Variants in DHRS7B observed in about 807,000 individuals in gnomAD.
DHRS7B encodes the protein peroxisomal reductase activating PPAR-gamma.
In DHRS7B, 24 loss-of-function variants were observed where a neutral mutation model predicts 26.4. The observed-to-expected ratio is 0.91, with a 90% CI of 0.66 to 1.28. The LOEUF (loss-of-function observed/expected upper bound fraction) is 1.28. DHRS7B is among the 50% of genes most tolerant of loss of function. The pLI is 0.00. For missense variants in DHRS7B, 368 were observed against 419.4 expected (o/e 0.88, Z 1.07); for synonymous variants, 142 against 166.4 (o/e 0.85, Z 1.13).
intron 1 of DHRS7B, among the ~76,000 whole-genome samples, chr17:21,160,003 T>G (rs1298744540): frequency 6.6e-6 from 1 of 152,092 alleles, no homozygotes. Flanking sequence ...GTGGATCATT[T>G]GAGGTCAGGA....
chr17:21,177,358 T>C (rs1490619622), intron 2 of DHRS7B, among the ~76,000 whole-genome samples: 1 of 152,238 alleles, frequency 6.6e-6, no homozygotes, highest in Non-Finnish European at 1.5e-5. Context: ...AATTCTCTTT[T>C]TGCTTTGCCC....
At chr17:21,132,346 A>C (rs141287160) in intron 1 of DHRS7B, among the ~76,000 whole-genome samples, 2 of 136,736 alleles carry the variant, frequency 1.5e-5, no homozygotes, top group Admixed American at 1.4e-4. Flanking sequence ...TAAAAAAAAA[A>C]AAATATATAT....
At chr17:21,183,461 G>C in intron 3 of DHRS7B, 133 bp from the exon 4 acceptor site, 1 of 803,044 alleles carries the variant, frequency 1.2e-6, no homozygotes, top group Non-Finnish European at 2.0e-6. Flanking sequence ...TTTGGGTTTA[G>C]TTTGCTATTC....
intron 1 of DHRS7B, among the ~76,000 whole-genome samples, chr17:21,167,050 C>T (rs965329771): frequency 2.6e-5 from 4 of 151,702 alleles, no homozygotes; most frequent in Admixed American, 6.6e-5. Flanking sequence ...ATCTTAGGAA[C>T]GGATTCCGTC....
chr17:21,179,762 C>CTTTTTTTT (rs55928399), intron 3 of DHRS7B, among the ~76,000 whole-genome samples: 3 of 137,608 alleles, frequency 2.2e-5, no homozygotes, highest in Non-Finnish European at 4.8e-5. Flanking sequence ...TTTTCACTTT[C>CTTTTTTTT]TTTTTTTTTT....
chr17:21,178,368 G>C, intron 3 of DHRS7B, 26 bp downstream of exon 3: 1 of 1,595,128 alleles, frequency 6.3e-7, no homozygotes, highest in South Asian at 1.1e-5. Flanking sequence ...GCTTTCCATG[G>C]GGAAGGAGTG....
At chr17:21,162,150 A>G (rs547332310) in intron 1 of DHRS7B, among the ~76,000 whole-genome samples, 1 of 152,136 alleles carries the variant, frequency 6.6e-6, no homozygotes, top group Admixed American at 6.6e-5. Flanking sequence ...CAAGACAGGA[A>G]TTTGTTAGAA....
intron 2 of DHRS7B, among the ~76,000 whole-genome samples, chr17:21,174,405 G>T (rs1376624817): frequency 6.6e-6 from 1 of 152,224 alleles, no homozygotes; most frequent in South Asian, 2.1e-4. Flanking sequence ...ACAGGGCTGT[G>T]CACAGCTCTG....
At chr17:21,147,381 AC>A (rs763113416) in intron 1 of DHRS7B, among the ~76,000 whole-genome samples, 6 of 152,186 alleles carry the variant, frequency 3.9e-5, no homozygotes, top group Non-Finnish European at 7.4e-5. Flanking sequence ...TATTTGGACT[AC>A]TTCTGGTTCC....
At chr17:21,158,413 T>C (rs936690801) in intron 1 of DHRS7B, among the ~76,000 whole-genome samples, 2 of 152,252 alleles carry the variant, frequency 1.3e-5, no homozygotes, top group African/African-American at 4.8e-5. Context: ...CTAAGCAAAG[T>C]TGCAGGATAC....
chr17:21,163,598 T>G (rs1460478435), intron 1 of DHRS7B, among the ~76,000 whole-genome samples: 1 of 152,174 alleles, frequency 6.6e-6, no homozygotes, highest in Non-Finnish European at 1.5e-5. Context: ...GTGCTTAAAA[T>G]TGCATCAGGT....
intron 1 of DHRS7B, among the ~76,000 whole-genome samples, chr17:21,132,258 T>G (rs1488069741): frequency 6.6e-6 from 1 of 151,524 alleles, no homozygotes; most frequent in Admixed American, 6.6e-5. Flanking sequence ...CCCAGCACTT[T>G]AGGAGGCCAA....
intron 1 of DHRS7B, 30 bp downstream of exon 1, chr17:21,127,021 G>C (rs978100573): frequency 2.6e-6 from 4 of 1,513,438 alleles, no homozygotes; most frequent in Admixed American, 2.4e-5. Context: ...GAACCTCCGA[G>C]ATGAGGCGAT....
chr17:21,129,914 A>G (rs1973192833), intron 1 of DHRS7B, among the ~76,000 whole-genome samples: 1 of 152,148 alleles, frequency 6.6e-6, no homozygotes, highest in Non-Finnish European at 1.5e-5. Context: ...CATTTGCTGT[A>G]CATGTTTTCA....
intron 1 of DHRS7B, among the ~76,000 whole-genome samples, chr17:21,138,170 G>A (rs1255320859): frequency 7.5e-6 from 1 of 133,192 alleles, no homozygotes; most frequent in Non-Finnish European, 1.6e-5. Context: ...TTCGTGACAT[G>A]CTTGGACTTT....
intron 1 of DHRS7B, among the ~76,000 whole-genome samples, chr17:21,140,489 C>CAA (rs1973475397): frequency 7.4e-6 from 1 of 135,018 alleles, no homozygotes; most frequent in African/African-American, 2.8e-5. Flanking sequence ...TACACACACA[C>CAA]ACACACACAC....
rs552385702 is a variant in DHRS7B at position 21,144,991 on chromosome 17, G to T, written c.20+18000G>T. On this transcript the variant is annotated intron_variant, in intron 1 of 6. Coordinates refer to ENST00000395511, the MANE Select transcript of DHRS7B (RefSeq NM_015510.5). Reference sequence around the variant, plus strand: ...AGATTTCCAAAGGAATCTATACAGAGAATTGGTAGAGACCCCCACCACTCT... The same window carrying T: ...AGATTTCCAAAGGAATCTATACAGATAATTGGTAGAGACCCCCACCACTCT... Among the ~76,000 whole-genome samples, 19 of 152,036 alleles carry T rather than the reference G, an allele frequency of 1.2e-4. No homozygotes were observed. In the South Asian group the frequency reaches 2.9e-3, roughly 23 times the overall value.
At chr17:21,150,552 G>A (rs1045845853) in intron 1 of DHRS7B, among the ~76,000 whole-genome samples, 1 of 152,156 alleles carries the variant, frequency 6.6e-6, no homozygotes, top group African/African-American at 2.4e-5. Context: ...AGGAGGCGGA[G>A]GTTGCAATGA....
intron 1 of DHRS7B, among the ~76,000 whole-genome samples, chr17:21,138,099 T>TACACACACACACACACAC (rs1449609485): frequency 1.6e-4 from 14 of 87,672 alleles, no homozygotes; most frequent in Admixed American, 2.7e-4. Context: ...TATATATATA[T>TACACACACACACACACAC]ATACACACAC....
Sources: allele counts gnomAD v4.1 joint callset (sites outside exome capture counted in the v4.1 genomes callset), GRCh38; gene constraint gnomAD v4.1.1; transcripts MANE v1.5; gene names NCBI Gene and HGNC (gene_info 2026-07-23, HGNC 2026-07-21).